The following MARCHF11 variants were observed in gnomAD, a reference collection of about 807,000 sequenced individuals.
MARCHF11 encodes membrane associated ring-CH-type finger 11, also known as E3 ubiquitin-protein ligase MARCHF11.
In MARCHF11, 29 loss-of-function variants were observed where a neutral mutation model predicts 37.3. That is an observed-to-expected ratio of 0.78 (90% CI 0.58 to 1.06). The LOEUF is 1.06. Among genes scored for constraint, MARCHF11 ranks in the 50% least tolerant of loss-of-function variants. MARCHF11 has a pLI of 0.00. For missense variants in MARCHF11, 482 were observed against 533.4 expected (o/e 0.90, Z 0.95); for synonymous variants, 233 against 228.0 (o/e 1.02, Z -0.20).
intron 3 of MARCHF11, among the ~76,000 whole-genome samples, chr5:16,082,357 T>A (rs948869748): frequency 6.6e-6 from 1 of 152,198 alleles, no homozygotes; most frequent in African/African-American, 2.4e-5. Flanking sequence ...TGTAAAGGAA[T>A]TCTACTCAAT....
chr5:16,086,090 T>C (rs1052093487), intron 3 of MARCHF11, among the ~76,000 whole-genome samples: 44 of 149,862 alleles, frequency 2.9e-4, no homozygotes, highest in African/African-American at 1.1e-3. Flanking sequence ...GGTAACAACA[T>C]ACAAATTCAT....
intron 2 of MARCHF11, among the ~76,000 whole-genome samples, chr5:16,100,229 A>T (rs1273490770): frequency 6.6e-6 from 1 of 152,184 alleles, no homozygotes; most frequent in Non-Finnish European, 1.5e-5. Context: ...ACTTCGCTTT[A>T]CTAAGGAGAT....
At chr5:16,159,757 A>G (rs1296446090) in intron 2 of MARCHF11, among the ~76,000 whole-genome samples, 4 of 151,842 alleles carry the variant, frequency 2.6e-5, no homozygotes, top group African/African-American at 9.7e-5. Flanking sequence ...CCTCCCATCA[A>G]TGATTGATCC....
At chr5:16,160,370 ATAT>A (rs1738053452) in intron 2 of MARCHF11, among the ~76,000 whole-genome samples, 1 of 145,478 alleles carries the variant, frequency 6.9e-6, no homozygotes, top group Non-Finnish European at 1.5e-5. Flanking sequence ...TAATATATAA[ATAT>A]TAAATATAAT....
chr5:16,122,732 C>T (rs546952512), intron 2 of MARCHF11, among the ~76,000 whole-genome samples: 30 of 152,250 alleles, frequency 2.0e-4, no homozygotes, highest in Admixed American at 5.2e-4. Flanking sequence ...GATTAAACCC[C>T]TGTGGTAGTA....
intron 2 of MARCHF11, among the ~76,000 whole-genome samples, chr5:16,093,781 T>C (rs1736822260): frequency 6.6e-6 from 1 of 152,208 alleles, no homozygotes; most frequent in Non-Finnish European, 1.5e-5. Flanking sequence ...GAACAACCTT[T>C]GATTACAGTA....
chr5:16,178,814 G>C (rs1043060672), intron 1 of MARCHF11, among the ~76,000 whole-genome samples: 3 of 152,224 alleles, frequency 2.0e-5, no homozygotes, highest in African/African-American at 7.2e-5. Flanking sequence ...GAAAAAGGAA[G>C]TGTAGATGAA....
At chr5:16,102,446 G>A (rs544939831) in intron 2 of MARCHF11, among the ~76,000 whole-genome samples, 8 of 152,182 alleles carry the variant, frequency 5.3e-5, no homozygotes, top group East Asian at 3.9e-4. Flanking sequence ...GTTCTACCAC[G>A]CCCTCTGTCC....
chr5:16,070,862 G>C (rs59015531), intron 3 of MARCHF11, among the ~76,000 whole-genome samples: 2,799 of 152,264 alleles, frequency 0.018, 70 homozygotes, highest in African/African-American at 0.063. Context: ...TTCAGAATTA[G>C]TCCTTGGCCT....
At chr5:16,123,374 C>T (rs1449894220) in intron 2 of MARCHF11, among the ~76,000 whole-genome samples, 1 of 152,098 alleles carries the variant, frequency 6.6e-6, no homozygotes, top group East Asian at 1.9e-4. Context: ...CATCTGCAAG[C>T]CAAGCAGAGA....
chr5:16,116,337 A>G lies in MARCHF11; in HGVS notation c.694-25256T>C, dbSNP rs143643106. On this transcript the variant is annotated intron_variant, in intron 2 of 3. Transcript: ENST00000332432. Reference sequence around the variant, plus strand: ...GGGATTCTCTCTCCCCAGGAAATAGACAGCATCCACTACACTACCTCCAAT... The same window carrying G: ...GGGATTCTCTCTCCCCAGGAAATAGGCAGCATCCACTACACTACCTCCAAT... 2.0e-5 allele frequency among the ~76,000 whole-genome samples: 3 copies of G among 152,280 alleles called. No individual in the cohort carries two copies. The East Asian group carries it at 5.8e-4, about 29-fold the overall frequency.
At chr5:16,103,645 G>A (rs928698587) in intron 2 of MARCHF11, among the ~76,000 whole-genome samples, 1 of 152,130 alleles carries the variant, frequency 6.6e-6, no homozygotes, top group Non-Finnish European at 1.5e-5. Context: ...AAGAAGCTGT[G>A]CCCATTTCTC....
chr5:16,081,516 G>A (rs893429378), intron 3 of MARCHF11, among the ~76,000 whole-genome samples: 1 of 152,190 alleles, frequency 6.6e-6, no homozygotes, highest in Non-Finnish European at 1.5e-5. Context: ...TACAAACACA[G>A]GCGGTGGACT....
chr5:16,082,979 G>A (rs1050138871), intron 3 of MARCHF11, among the ~76,000 whole-genome samples: 1 of 152,118 alleles, frequency 6.6e-6, no homozygotes, highest in African/African-American at 2.4e-5. Flanking sequence ...TCCAAAGCTC[G>A]GCTATCCTCA....
chr5:16,143,038 C>A (rs1356437625), intron 2 of MARCHF11, among the ~76,000 whole-genome samples: 1 of 151,930 alleles, frequency 6.6e-6, no homozygotes, highest in African/African-American at 2.4e-5. Context: ...CCATTCCCGG[C>A]CATATTTTAC....
intron 2 of MARCHF11, among the ~76,000 whole-genome samples, chr5:16,168,991 T>G (rs1738215247): frequency 6.6e-6 from 1 of 152,100 alleles, no homozygotes; most frequent in South Asian, 2.1e-4. Flanking sequence ...CTGCAGGCTT[T>G]GGAAGATTGG....
chr5:16,151,648 AATGTGTGTGT>A (rs1166127669), intron 2 of MARCHF11, among the ~76,000 whole-genome samples: 36 of 27,252 alleles, frequency 1.3e-3, no homozygotes, highest in African/African-American at 4.1e-3. Flanking sequence ...GCGTGAGTTG[AATGTGTGTGT>A]GTGTGTGTGT....
At position 16,149,906 on chromosome 5, in the gene MARCHF11, A is replaced by AATCCCATGCCCTCCACCTC. The variant is rs1553998055; in HGVS notation, c.693+27819_693+27820insGAGGTGGAGGGCATGGGAT. 4.5e-3 allele frequency among the ~76,000 whole-genome samples: 675 copies of AATCCCATGCCCTCCACCTC among 150,704 alleles called. 51 individuals carry two copies. Among genetic ancestry groups the AATCCCATGCCCTCCACCTC allele is most frequent in the African/African-American group, 0.015 (599 of 40,106 alleles). On this transcript the variant is annotated intron_variant, in intron 2 of 3. Coordinates refer to ENST00000332432, the MANE Select transcript of MARCHF11 (RefSeq NM_001102562.3). ...AACCATGCAGATGAATCTCCCAAACATAATGTTAATCCAAGGAAGCCCAAG... is the reference window on the plus strand; with the variant it reads ...AACCATGCAGATGAATCTCCCAAACAATCCCATGCCCTCCACCTCTAATGTTAATCCAAGGAAGCCCAAG...
At chr5:16,116,322 C>T (rs1262620774) in intron 2 of MARCHF11, among the ~76,000 whole-genome samples, 1 of 152,182 alleles carries the variant, frequency 6.6e-6, no homozygotes, top group Non-Finnish European at 1.5e-5. Context: ...GGGATTCTCT[C>T]TCCCCAGGAA....
Sources: allele counts gnomAD v4.1 joint callset (sites outside exome capture counted in the v4.1 genomes callset), GRCh38; gene constraint gnomAD v4.1.1; transcripts MANE v1.5; gene names NCBI Gene and HGNC (gene_info 2026-07-23, HGNC 2026-07-21).